OTUD7A: variants seen among roughly 807,000 people sequenced by gnomAD.
The protein encoded by OTUD7A is OTU domain-containing protein 7A.
A neutral mutation model predicts 65.7 loss-of-function variants in OTUD7A; 12 were observed. The observed-to-expected ratio is 0.18, with a 90% CI of 0.12 to 0.30. The LOEUF is 0.30. Ranked by LOEUF, OTUD7A falls within the 10% of genes least tolerant of loss-of-function variation. The pLI, the probability that OTUD7A is intolerant of heterozygous loss-of-function variation, is 1.00. For synonymous variants in OTUD7A, 641 were observed against 586.3 expected (o/e 1.09, Z -1.35); for missense variants, 1,148 against 1,304.8 (o/e 0.88, Z 1.85).
At position 31,564,360 on chromosome 15, in the gene OTUD7A, T is replaced by C. The variant is rs555226956; in HGVS notation, c.332-5173A>G. Among the ~76,000 whole-genome samples the C allele has an allele frequency of 2.7e-3, 415 of 151,400 alleles. 4 individuals are homozygous for C. Among genetic ancestry groups the C allele is most frequent in the African/African-American group, 9.6e-3 (394 of 41,218 alleles). ...CTTAGGAGATTCACCATGCAAAAACTGTTTTTGGAAGTAGTCTTTGAGGAA... is the reference window on the plus strand; with the variant it reads ...CTTAGGAGATTCACCATGCAAAAACCGTTTTTGGAAGTAGTCTTTGAGGAA... On this transcript the variant is annotated intron_variant, in intron 4 of 12. Coordinates refer to ENST00000307050, the MANE Select transcript of OTUD7A (RefSeq NM_001382637.1).
intron 3 of OTUD7A, among the ~76,000 whole-genome samples, chr15:31,609,264 C>T (rs1890327402): frequency 6.6e-6 from 1 of 152,220 alleles, no homozygotes; most frequent in South Asian, 2.1e-4. Context: ...GTAGCCTCCA[C>T]AGGATGGGGA....
chr15:31,625,874 C>T (rs1890935865), intron 3 of OTUD7A, among the ~76,000 whole-genome samples: 1 of 152,054 alleles, frequency 6.6e-6, no homozygotes, highest in African/African-American at 2.4e-5. Context: ...ATATACTCAA[C>T]ATAGATGAAT....
intron 1 of OTUD7A, among the ~76,000 whole-genome samples, chr15:31,745,561 C>T (rs1322504334): frequency 1.3e-5 from 2 of 152,128 alleles, no homozygotes; most frequent in East Asian, 1.9e-4. Context: ...CAAAACTAAA[C>T]ATTAAACCTA....
At chr15:31,565,582 G>A (rs892855128) in intron 4 of OTUD7A, among the ~76,000 whole-genome samples, 1 of 151,970 alleles carries the variant, frequency 6.6e-6, no homozygotes, top group African/African-American at 2.4e-5. Flanking sequence ...GGTTTAGATG[G>A]CAAAATAAAT....
At chr15:31,863,630 T>C (rs1026324347) in intron 1 of OTUD7A, among the ~76,000 whole-genome samples, 1 of 152,214 alleles carries the variant, frequency 6.6e-6, no homozygotes, top group African/African-American at 2.4e-5. Flanking sequence ...GTCCCTAGGC[T>C]GCACACAGCT....
In OTUD7A at chr15:31,484,381, G is replaced by A. The variant is rs1387156843; in HGVS notation, c.1715C>T (p.Ala572Val). 8.7e-6 allele frequency: 14 copies of A among 1,601,216 alleles called. No homozygotes were observed. The highest frequency in any genetic ancestry group is 1.1e-5 in the Non-Finnish European group (13 of 1,179,696). ...CTCCTTGCTGCCCTTGCGCGACTTG[G>A]CCTTCTTCTCCTTGCCCCGCTCGGC... ...DSAERGKEKKAKSRKGSKEES... is the reference protein window; with the variant it reads ...DSAERGKEKKVKSRKGSKEES... Residue 572 changes from alanine to valine, a missense_variant, in exon 13 of 13, where the codon GCC (alanine) becomes GTC (valine). Physicochemically the swap from Ala to Val is moderately conservative, Grantham distance 64. Transcript: ENST00000307050. This position sits in a 1 kb window ranked among gnomAD's most constrained non-coding sequence, Gnocchi z 4.5.
Position 31,483,746 on chromosome 15 carries a change from A to G in OTUD7A, c.2350T>C (p.Ser784Pro). ...GCGCACGCCTCGTCCCGCGCGCCCG[A>G]CGCCTGCACGTGGATGACGCTCTGG... ...ARQSVIHVQA[S>P]GARDEACAPA... Residue 784 changes from serine (S) to proline (P), a missense_variant, in exon 13 of 13, where the codon TCG becomes CCG. This residue lies in a region of OTUD7A where 842 missense variants were observed against 769.5 expected (regional missense o/e 1.09). Coordinates refer to ENST00000307050, the MANE Select transcript of OTUD7A (RefSeq NM_001382637.1). 2 of 1,095,152 alleles carry G rather than the reference A, an allele frequency of 1.8e-6. No individual in the cohort carries two copies. Among genetic ancestry groups the G allele is most frequent in the Non-Finnish European group, 2.2e-6 (2 of 903,776 alleles). The allele number at this position is 1,095,152 out of a possible 1,614,324, so 67.8% of individuals were successfully genotyped here. A position where few individuals can be genotyped will look rare whatever the true frequency, so the allele number is the denominator to read the frequency against.
At chr15:31,828,428 G>T (rs186285387) in intron 1 of OTUD7A, among the ~76,000 whole-genome samples, 1 of 152,016 alleles carries the variant, frequency 6.6e-6, no homozygotes, top group East Asian at 1.9e-4. Context: ...ATTAGCATAC[G>T]CATCAAACAT....
chr15:31,666,844 G>C (rs1362021420), intron 1 of OTUD7A, among the ~76,000 whole-genome samples: 1 of 152,062 alleles, frequency 6.6e-6, no homozygotes, highest in African/African-American at 2.4e-5. Context: ...TTGTCGTTGA[G>C]TTTGAATAAT....
At chr15:31,579,924 T>C (rs565037466) in intron 3 of OTUD7A, among the ~76,000 whole-genome samples, 4 of 152,154 alleles carry the variant, frequency 2.6e-5, no homozygotes, top group Non-Finnish European at 2.9e-5. Context: ...CTAAATAATG[T>C]AGGGAAAAAT....
Position 31,669,582 on chromosome 15 carries a change from A to G in OTUD7A, c.-99-12505T>C, listed in dbSNP as rs574097851. On this transcript the variant is annotated intron_variant, in intron 1 of 12. Transcript: ENST00000307050. The stretch of plus-strand genomic sequence containing the variant: ...GCCCCAGGTTACCTGCTTCCCAGCT[A>G]GAAAGAAAAGGGCTTGGTTCTACCC... 1.8e-3 allele frequency among the ~76,000 whole-genome samples: 280 copies of G among 152,138 alleles called. 1 individual carries two copies. The highest frequency in any genetic ancestry group is 6.5e-3 in the Admixed American group (100 of 15,286).
chr15:31,648,611 T>C (rs1891746295), intron 3 of OTUD7A, among the ~76,000 whole-genome samples: 1 of 152,166 alleles, frequency 6.6e-6, no homozygotes, highest in South Asian at 2.1e-4. Flanking sequence ...TAACCCATTG[T>C]AAATCAGAAA....
intron 3 of OTUD7A, among the ~76,000 whole-genome samples, chr15:31,641,337 G>C (rs1891511190): frequency 6.6e-6 from 1 of 152,120 alleles, no homozygotes; most frequent in African/African-American, 2.4e-5. Flanking sequence ...AAATTACCCA[G>C]TCTTGGGTAT....
intron 1 of OTUD7A, among the ~76,000 whole-genome samples, chr15:31,670,590 T>C (rs1379309215): frequency 2.6e-5 from 4 of 152,244 alleles, no homozygotes; most frequent in Admixed American, 6.5e-5. Context: ...TTTTGAGAAG[T>C]GTCTGTTCAT....
chr15:31,669,737 C>G (rs541145873), intron 1 of OTUD7A, among the ~76,000 whole-genome samples: 1 of 152,068 alleles, frequency 6.6e-6, no homozygotes, highest in Admixed American at 6.5e-5. Flanking sequence ...TTTTTCCCCC[C>G]TCCTCTGGCT....
intron 1 of OTUD7A, among the ~76,000 whole-genome samples, chr15:31,779,103 T>C (rs1895467550): frequency 6.6e-6 from 1 of 152,200 alleles, no homozygotes; most frequent in South Asian, 2.1e-4. Flanking sequence ...TTTTAGAAGA[T>C]TGTCTTCCCT....
intron 4 of OTUD7A, among the ~76,000 whole-genome samples, chr15:31,567,534 C>G (rs1888913677): frequency 6.6e-6 from 1 of 152,152 alleles, no homozygotes; most frequent in Non-Finnish European, 1.5e-5. Context: ...AAAGAAAAAG[C>G]TTTTTCAGAA....
intron 3 of OTUD7A, among the ~76,000 whole-genome samples, chr15:31,596,866 A>T (rs1024018124): frequency 6.6e-6 from 1 of 152,100 alleles, no homozygotes; most frequent in Non-Finnish European, 1.5e-5. Flanking sequence ...TCTAGATACA[A>T]GTGCTCTATC....
chr15:31,864,796 A>ACAC (rs1567061823), intron 1 of OTUD7A, among the ~76,000 whole-genome samples: 49 of 145,106 alleles, frequency 3.4e-4, no homozygotes, highest in African/African-American at 1.3e-3. Flanking sequence ...CACACACACA[A>ACAC]GTCAAAGCAA....
Sources: allele counts gnomAD v4.1 joint callset (sites outside exome capture counted in the v4.1 genomes callset), GRCh38; gene constraint gnomAD v4.1.1; regional missense constraint gnomAD v4.1.1; non-coding constraint Gnocchi (gnomAD v3.1); transcripts MANE v1.5; gene names NCBI Gene and HGNC (gene_info 2026-07-23, HGNC 2026-07-21).